ERCC3: variants seen among roughly 807,000 people sequenced by gnomAD.
The protein encoded by ERCC3 is general transcription and DNA repair factor IIH helicase/translocase subunit XPB.
In ERCC3, 66 loss-of-function variants were observed where a neutral mutation model predicts 94.2. The observed-to-expected ratio is 0.70, with a 90% CI of 0.57 to 0.86. The LOEUF (loss-of-function observed/expected upper bound fraction) is 0.86. Among genes scored for constraint, ERCC3 ranks in the 40% least tolerant of loss-of-function variants. ERCC3 has a pLI of 0.00. For missense variants in ERCC3, 829 were observed against 987.1 expected (o/e 0.84, Z 2.15); for synonymous variants, 349 against 369.1 (o/e 0.95, Z 0.63).
At position 127,264,407 on chromosome 2, in the gene ERCC3, A is replaced by G. The variant is rs946203777; in HGVS notation, c.1946-3061T>C. 2.6e-5 allele frequency among the ~76,000 whole-genome samples: 4 copies of G among 152,246 alleles called. No homozygotes were observed. Among genetic ancestry groups the G allele is most frequent in the Non-Finnish European group, 4.4e-5 (3 of 68,040 alleles). Reference sequence around the variant, plus strand: ...TTTGAATCTGGGAAGCAGAGGTTGCAGTGAGCCAAGATTGCACCATTGCAC... The same window carrying G: ...TTTGAATCTGGGAAGCAGAGGTTGCGGTGAGCCAAGATTGCACCATTGCAC... On this transcript the variant is annotated intron_variant, in intron 12 of 14. Transcript: ENST00000285398. This position sits in a 1 kb window ranked among gnomAD's most constrained non-coding sequence, Gnocchi z 4.4.
chr2:127,279,895 G>A lies in ERCC3; in HGVS notation c.1528-520C>T, dbSNP rs983612539. Among the ~76,000 whole-genome samples, 4 of 152,142 alleles carry A rather than the reference G, an allele frequency of 2.6e-5. No homozygotes were observed. The highest frequency in any genetic ancestry group is 1.3e-4 in the Admixed American group (2 of 15,282). On this transcript the variant is annotated intron_variant, in intron 9 of 14. Coordinates refer to ENST00000285398, the MANE Select transcript of ERCC3 (RefSeq NM_000122.2). The surrounding 1 kb of genome is among the most constrained non-coding windows in gnomAD (Gnocchi z 4.7). ...TTAACCACTTAAAAGATTTTTAAAT[G>A]CAATCACATCCAGGGAGTTATTTTC...
chr2:127,292,452 T>TC, intron 3 of ERCC3, 158 bp downstream of exon 3: 2 of 749,654 alleles, frequency 2.7e-6, no homozygotes, highest in Non-Finnish European at 4.9e-6. Context: ...CAATGCTGGA[T>TC]CCAGAGTGTA....
intron 6 of ERCC3, 78 bp downstream of exon 6, chr2:127,289,258 AG>A: frequency 1.5e-6 from 2 of 1,293,888 alleles, no homozygotes; most frequent in Middle Eastern, 2.2e-4. Context: ...CACAGACTAC[AG>A]GCAGAGTCGA....
intron 10 of ERCC3, among the ~76,000 whole-genome samples, chr2:127,276,026 C>T (rs1684727267): frequency 2.0e-5 from 3 of 152,254 alleles, no homozygotes; most frequent in South Asian, 4.1e-4. Flanking sequence ...TTGGGTCCGG[C>T]CGGCAGCAGG....
At chr2:127,278,211 C>T (rs1349538348) in intron 10 of ERCC3, among the ~76,000 whole-genome samples, 1 of 147,414 alleles carries the variant, frequency 6.8e-6, no homozygotes, top group East Asian at 2.0e-4. Flanking sequence ...GCACTACAGA[C>T]TGGGTGACAC....
At chr2:127,261,926 T>A (rs1376204462) in intron 12 of ERCC3, 1 of 166,064 alleles carries the variant, frequency 6.0e-6, no homozygotes, top group Non-Finnish European at 1.3e-5. Flanking sequence ...TGGCAGTTCA[T>A]CAAAATGTTA....
At chr2:127,273,264 G>GA (rs768771138) in intron 10 of ERCC3, among the ~76,000 whole-genome samples, 9 of 151,938 alleles carry the variant, frequency 5.9e-5, no homozygotes, top group Non-Finnish European at 1.2e-4. Context: ...TCTATACAAG[G>GA]AGCATCTCCA....
rs4150522 is a variant in ERCC3 at position 127,259,310 on chromosome 2, A to G, written c.2203T>C (p.Ser735Pro). The change falls in exon 14 of 15, where the codon TCC becomes CCC. Residue 735 changes from serine (S) to proline (P), a missense_variant. Coordinates refer to ENST00000285398, the MANE Select transcript of ERCC3 (RefSeq NM_000122.2). The surrounding 1 kb of genome is among the most constrained non-coding windows in gnomAD (Gnocchi z 4.9). ...CATTTACTCACCTGGCTGGATCTGG[A>G]GCCAAATTCCCCAGCCACCACCTCC... is the stretch of plus-strand genomic sequence containing the variant. Reference protein sequence around the residue: ...EEEVVAGEFGSRSSQASRRFG... With the variant: ...EEEVVAGEFGPRSSQASRRFG... 1.3e-4 allele frequency: 212 copies of G among 1,614,178 alleles called. 1 individual carries two copies. The East Asian group carries it at 4.5e-3, about 35-fold the overall frequency.
intron 10 of ERCC3, among the ~76,000 whole-genome samples, chr2:127,278,632 C>T (rs190857978): frequency 2.0e-5 from 3 of 152,298 alleles, no homozygotes; most frequent in Non-Finnish European, 2.9e-5. Flanking sequence ...TAGGAGCAAG[C>T]GCAGACCTCT....
At position 127,279,177 on chromosome 2, in the gene ERCC3, TC is replaced by T. The variant is rs1342889124; in HGVS notation, c.1725del (p.Asn576ThrfsTer35). The T allele has an allele frequency of 6.2e-7, 1 of 1,607,604 alleles. No individual in the cohort carries two copies. The highest frequency in any genetic ancestry group is 1.3e-5 in the African/African-American group (1 of 74,828). On this transcript the variant is annotated frameshift_variant, in exon 10 of 15. Coordinates refer to ENST00000285398, the MANE Select transcript of ERCC3 (RefSeq NM_000122.2). LOFTEE classifies it high-confidence loss of function. The surrounding 1 kb of genome is among the most constrained non-coding windows in gnomAD (Gnocchi z 4.7). Reference protein sequence around the residue: ...VFALKEYAIRLNKPYIYGPTS... With the variant: ...VFALKEYAIRXNKPYIYGPTS... ...CTCCAAGTTTTCAATTCTTACTTGT[TC>T]AGTCGAATGGCATATTCCTTTAGGG...
intron 7 of ERCC3, 72 bp downstream of exon 7, chr2:127,288,588 G>C (rs1012913278): frequency 7.8e-7 from 1 of 1,283,914 alleles, no homozygotes; most frequent in African/African-American, 1.5e-5. Flanking sequence ...AATGTGCAGA[G>C]AGAAAGCGGG....
In ERCC3 at chr2:127,264,026, T is replaced by C. The variant is rs1684279037; in HGVS notation, c.1946-2680A>G. Reference sequence around the variant, plus strand: ...TGCCCGGCTGTCTTGTTCCAGTTCTTAAAGGGAATGCTTCCAGCTTTTGCT... The same window carrying C: ...TGCCCGGCTGTCTTGTTCCAGTTCTCAAAGGGAATGCTTCCAGCTTTTGCT... On this transcript the variant is annotated intron_variant, in intron 12 of 14. Coordinates refer to ENST00000285398, the MANE Select transcript of ERCC3 (RefSeq NM_000122.2). The surrounding 1 kb of genome is among the most constrained non-coding windows in gnomAD (Gnocchi z 4.4). Among the ~76,000 whole-genome samples the C allele has an allele frequency of 6.6e-6, 1 of 152,178 alleles. No homozygotes were observed. Among genetic ancestry groups the C allele is most frequent in the African/African-American group, 2.4e-5 (1 of 41,440 alleles).
At position 127,259,214 on chromosome 2, in the gene ERCC3, G is replaced by T; in HGVS notation, c.2217+82C>A. 1 of 1,513,552 alleles carries T rather than the reference G, an allele frequency of 6.6e-7. No homozygotes were observed. Among genetic ancestry groups the T allele is most frequent in the South Asian group, 1.1e-5 (1 of 88,442 alleles). The allele number at this position is 1,513,552 out of a possible 1,614,324, so 93.8% of individuals were successfully genotyped here. On this transcript the variant is annotated intron_variant, in intron 14 of 14. Coordinates refer to ENST00000285398, the MANE Select transcript of ERCC3 (RefSeq NM_000122.2). This position sits in a 1 kb window ranked among gnomAD's most constrained non-coding sequence, Gnocchi z 4.9. The stretch of plus-strand genomic sequence containing the variant: ...AAAATCCCATGGGCCCATCCAGGCA[G>T]GACTACATGTCTGTGTCTGTGTCTA...
chr2:127,276,271 C>T (rs1418221832), intron 10 of ERCC3, among the ~76,000 whole-genome samples: 1 of 152,144 alleles, frequency 6.6e-6, no homozygotes, highest in Non-Finnish European at 1.5e-5. Flanking sequence ...AGGCCCTGCC[C>T]AGCCACTCTG....
chr2:127,265,162 A>T (rs1007360194), intron 12 of ERCC3, among the ~76,000 whole-genome samples: 48 of 151,808 alleles, frequency 3.2e-4, no homozygotes, highest in Admixed American at 9.8e-4. Flanking sequence ...TTTTTTTTTT[A>T]AATTACTGAT....
rs4150490 is a variant in ERCC3 at position 127,272,461 on chromosome 2, C to T, written c.1827+404G>A. ...CGGAAGTCTGTGCTGACATCCACCA[C>T]CCATCATCAAGGGACACCAGGAACC... On this transcript the variant is annotated intron_variant, in intron 11 of 14. Transcript: ENST00000285398. Among the ~76,000 whole-genome samples the T allele has an allele frequency of 1.1e-4, 17 of 152,276 alleles. No homozygotes were observed. The South Asian group carries it at 3.5e-3, about 32-fold the overall frequency.
Position 127,271,852 on chromosome 2 carries a change from T to C in ERCC3, c.1828-399A>G, listed in dbSNP as rs971697310. Among the ~76,000 whole-genome samples the C allele has an allele frequency of 6.6e-6, 1 of 152,090 alleles. No individual in the cohort carries two copies. The highest frequency in any genetic ancestry group is 1.5e-5 in the Non-Finnish European group (1 of 68,030). Reference sequence around the variant, plus strand: ...TGGCCACTGACACCAGCAGCACACGTGGGATGTGACCTGGGAGGAACAACT... The same window carrying C: ...TGGCCACTGACACCAGCAGCACACGCGGGATGTGACCTGGGAGGAACAACT... On this transcript the variant is annotated intron_variant, in intron 11 of 14. Transcript: ENST00000285398. This position sits in a 1 kb window ranked among gnomAD's most constrained non-coding sequence, Gnocchi z 5.0.
At chr2:127,261,005 G>A in intron 13 of ERCC3, 2 of 566,062 alleles carry the variant, frequency 3.5e-6, no homozygotes, top group Non-Finnish European at 6.4e-6. Context: ...TTCACACAGT[G>A]CTGGTCATAG....
Position 127,264,119 on chromosome 2 carries a change from G to A in ERCC3, c.1946-2773C>T, listed in dbSNP as rs984963389. Among the ~76,000 whole-genome samples, 6 of 152,224 alleles carry A rather than the reference G, an allele frequency of 3.9e-5. No individual in the cohort carries two copies. The highest frequency in any genetic ancestry group is 3.4e-3 in the Middle Eastern group (1 of 294). ...TTATTATTGTGAGATATGTTCCTTC[G>A]ATGCCATTTGTTGAGGGTTTTTATC... On this transcript the variant is annotated intron_variant, in intron 12 of 14. Transcript: ENST00000285398. The surrounding 1 kb of genome is among the most constrained non-coding windows in gnomAD (Gnocchi z 4.4).
Sources: allele counts gnomAD v4.1 joint callset (sites outside exome capture counted in the v4.1 genomes callset), GRCh38; gene constraint gnomAD v4.1.1; non-coding constraint Gnocchi (gnomAD v3.1); transcripts MANE v1.5; gene names NCBI Gene and HGNC (gene_info 2026-07-23, HGNC 2026-07-21).